Variants in CAP2 observed in about 807,000 individuals in gnomAD.
CAP2 encodes the protein adenylyl cyclase-associated protein 2.
In CAP2, 24 loss-of-function variants were observed where a neutral mutation model predicts 57.7. That is an observed-to-expected ratio of 0.42 (90% CI 0.30 to 0.58). The LOEUF (loss-of-function observed/expected upper bound fraction) is 0.58, where lower values mean the gene tolerates loss of function less well. Among genes scored for constraint, CAP2 ranks in the 20% least tolerant of loss-of-function variants. The pLI is 0.22. For synonymous variants in CAP2, 194 were observed against 207.2 expected, an observed-to-expected ratio of 0.94 and a Z score of 0.55; for missense variants, 501 against 590.3, an observed-to-expected ratio of 0.85 and a Z score of 1.57.
At chr6:17,461,632 C>G (rs569840121) in intron 3 of CAP2, among the ~76,000 whole-genome samples, 2 of 151,778 alleles carry the variant, frequency 1.3e-5, no homozygotes, top group Non-Finnish European at 2.9e-5. Flanking sequence ...AAAAAAATGC[C>G]AAAATGGTTA....
chr6:17,533,391 T>A (rs1762696314), intron 7 of CAP2, among the ~76,000 whole-genome samples: 1 of 152,104 alleles, frequency 6.6e-6, no homozygotes, highest in South Asian at 2.1e-4. Flanking sequence ...GTACAGTAGC[T>A]TTTTAAAAAG....
rs1200332608 is a variant in CAP2, at chr6:17,541,241, T to C, written c.1002+93T>C. On this transcript the variant is annotated intron_variant, in intron 9 of 12. Transcript: ENST00000229922. ...TTACCAAGATCTGAAGGATTTCTTTTTTTTAATTTTTGTATTGGTACATAA... is the reference window on the plus strand; with the variant it reads ...TTACCAAGATCTGAAGGATTTCTTTCTTTTAATTTTTGTATTGGTACATAA... 1.1e-5 allele frequency: 10 copies of C among 944,050 alleles called. No individual in the cohort carries two copies. The East Asian group carries it at 2.3e-4, about 22-fold the overall frequency. 58.5% of individuals were successfully genotyped at this position (944,050 alleles called of 1,614,324 possible). A position where few individuals can be genotyped will look rare whatever the true frequency, so the allele number is the denominator to read the frequency against.
intron 4 of CAP2, among the ~76,000 whole-genome samples, chr6:17,496,029 G>GCGGGGGC (rs1554127011): frequency 2.4e-5 from 3 of 125,750 alleles, no homozygotes; most frequent in African/African-American, 9.3e-5. Context: ...TGTGTGGGTG[G>GCGGGGGC]GGGGGGGGGG....
At chr6:17,408,983 T>A (rs1759065059) in intron 1 of CAP2, among the ~76,000 whole-genome samples, 1 of 151,044 alleles carries the variant, frequency 6.6e-6, no homozygotes, top group African/African-American at 2.4e-5. Flanking sequence ...GATGATAGCC[T>A]CTTATGCTTT....
Position 17,556,447 on chromosome 6 carries a change from C to T in CAP2, c.*5C>T. ...CCTGCAGAAATTATGGCCTAACTTC[C>T]TGAGAGACCGAACCCCCTCACCTGA... On this transcript the variant is annotated 3_prime_UTR_variant, in exon 13 of 13. Transcript: ENST00000229922. 2 of 1,600,726 alleles carry T rather than the reference C, an allele frequency of 1.2e-6. No homozygotes were observed. Among genetic ancestry groups the T allele is most frequent in the South Asian group, 2.2e-5 (2 of 90,836 alleles).
rs540830268 is a variant in CAP2, at chr6:17,505,785, A to G, written c.301-1384A>G. Among the ~76,000 whole-genome samples, 8 of 152,364 alleles carry G rather than the reference A, an allele frequency of 5.3e-5. 1 individual carries two copies. The South Asian group carries it at 1.7e-3, about 32-fold the overall frequency. On this transcript the variant is annotated intron_variant, in intron 4 of 12. Transcript: ENST00000229922. The stretch of plus-strand genomic sequence containing the variant: ...CACCTAGAGAAATTAGAGAATGCTA[A>G]GGATGTAGATGAGGAGATGTTTAAA...
At chr6:17,527,751 T>C (rs1278699072) in intron 7 of CAP2, among the ~76,000 whole-genome samples, 2 of 152,110 alleles carry the variant, frequency 1.3e-5, no homozygotes, top group Non-Finnish European at 2.9e-5. Context: ...TGTGCCACCA[T>C]GCCTGGCTAA....
chr6:17,467,944 CCTCCCCGCCTCAG>C (rs1239059736), intron 4 of CAP2, among the ~76,000 whole-genome samples: 4 of 152,070 alleles, frequency 2.6e-5, no homozygotes, highest in African/African-American at 9.7e-5. Flanking sequence ...ACCATCCCCA[CCTCCCCGCCTCAG>C]CTCCCCCACT....
chr6:17,536,431 G>A (rs1581604564), intron 7 of CAP2: 1 of 376,802 alleles, frequency 2.7e-6, no homozygotes, highest in Non-Finnish European at 5.3e-6. Flanking sequence ...GAATAAGCCA[G>A]GACATACAAA....
At chr6:17,449,244 A>G (rs1478829264) in intron 3 of CAP2, among the ~76,000 whole-genome samples, 1 of 152,158 alleles carries the variant, frequency 6.6e-6, no homozygotes, top group African/African-American at 2.4e-5. Flanking sequence ...TAAATTCCAT[A>G]CCATGGGCTC....
At chr6:17,554,547 C>T (rs1182863549) in intron 12 of CAP2, among the ~76,000 whole-genome samples, 2 of 152,246 alleles carry the variant, frequency 1.3e-5, no homozygotes, top group Non-Finnish European at 2.9e-5. Flanking sequence ...TGTCAGCCAC[C>T]GTGCCTGGCC....
intron 4 of CAP2, among the ~76,000 whole-genome samples, chr6:17,506,099 G>A (rs888880429): frequency 8.5e-5 from 13 of 152,084 alleles, no homozygotes; most frequent in African/African-American, 2.9e-4. Flanking sequence ...GGGTCTTGCT[G>A]TGTTGTCTGG....
chr6:17,434,046 C>T (rs75423441), intron 3 of CAP2, among the ~76,000 whole-genome samples: 3,079 of 152,202 alleles, frequency 0.02, 113 homozygotes, highest in African/African-American at 0.069. Context: ...AAAAAATCAC[C>T]AAGATACCTT....
chr6:17,415,740 C>T (rs1365071231), intron 1 of CAP2, among the ~76,000 whole-genome samples: 1 of 152,146 alleles, frequency 6.6e-6, no homozygotes, highest in Non-Finnish European at 1.5e-5. Flanking sequence ...AAGCACAAGG[C>T]AGGTTTTTAA....
chr6:17,530,202 C>T (rs1371153397), intron 7 of CAP2, among the ~76,000 whole-genome samples: 2 of 152,006 alleles, frequency 1.3e-5, no homozygotes, highest in African/African-American at 2.4e-5. Flanking sequence ...CCTCCCAGCT[C>T]CCAGGTAGCT....
intron 7 of CAP2, among the ~76,000 whole-genome samples, chr6:17,537,958 T>C (rs904452594): frequency 2.6e-5 from 4 of 151,998 alleles, no homozygotes; most frequent in African/African-American, 9.7e-5. Flanking sequence ...TCCCAGCTAC[T>C]CAACAGGCTG....
At chr6:17,524,893 C>CTTTTT (rs11325666) in intron 7 of CAP2, among the ~76,000 whole-genome samples, 7 of 109,602 alleles carry the variant, frequency 6.4e-5, no homozygotes, top group African/African-American at 2.1e-4. Flanking sequence ...CTTTTCTTTT[C>CTTTTT]TTTTTTTTTT....
At chr6:17,452,301 A>G (rs1264873745) in intron 3 of CAP2, among the ~76,000 whole-genome samples, 1 of 152,206 alleles carries the variant, frequency 6.6e-6, no homozygotes, top group African/African-American at 2.4e-5. Flanking sequence ...TTCGCGTTAG[A>G]CTGTGTTACT....
At chr6:17,461,005 C>T (rs112941642) in intron 3 of CAP2, among the ~76,000 whole-genome samples, 5,841 of 152,092 alleles carry the variant, frequency 0.038, 191 homozygotes, top group Middle Eastern at 0.071. Context: ...AAAAGTTAGC[C>T]GAGTGTGGTG....
Sources: allele counts gnomAD v4.1 joint callset (sites outside exome capture counted in the v4.1 genomes callset), GRCh38; gene constraint gnomAD v4.1.1; transcripts MANE v1.5; gene names NCBI Gene and HGNC (gene_info 2026-07-23, HGNC 2026-07-21).